The following ADGRA3 variants were observed in gnomAD, a reference collection of about 807,000 sequenced individuals.
The protein encoded by ADGRA3 is G-protein coupled receptor 125.
ADGRA3 carries 56 observed loss-of-function variants against 119.8 expected under a neutral mutation model. That is an observed-to-expected ratio of 0.47 (90% CI 0.38 to 0.58). The LOEUF (loss-of-function observed/expected upper bound fraction) is 0.58. Ranked by LOEUF, ADGRA3 falls within the 20% of genes least tolerant of loss-of-function variation. The probability of loss-of-function intolerance (pLI) is 0.00; values close to 1 mark genes in which losing one functional copy is unlikely to be tolerated. For missense variants in ADGRA3, 1,516 were observed against 1,649.0 expected, an observed-to-expected ratio of 0.92 and a Z score of 1.40; for synonymous variants, 607 against 623.8, an observed-to-expected ratio of 0.97 and a Z score of 0.40.
chr4:22,506,538 G>C (rs1192387610), intron 1 of ADGRA3, among the ~76,000 whole-genome samples: 1 of 152,130 alleles, frequency 6.6e-6, no homozygotes, highest in African/African-American at 2.4e-5. Flanking sequence ...GGGTGACAGA[G>C]TGAGACCCTA....
intron 1 of ADGRA3, among the ~76,000 whole-genome samples, chr4:22,484,730 T>A (rs898647412): frequency 6.6e-6 from 1 of 152,042 alleles, no homozygotes; most frequent in Non-Finnish European, 1.5e-5. Context: ...GGCATTTCAC[T>A]GGGTGGGAAA....
intron 16 of ADGRA3, chr4:22,394,356 G>C (rs1714264095): frequency 6.6e-6 from 1 of 152,156 alleles, no homozygotes; most frequent in Non-Finnish European, 1.5e-5. Context: ...TGGGAGGTGG[G>C]ATCAAGTTTG....
At chr4:22,477,875 C>G (rs1718107303) in intron 1 of ADGRA3, among the ~76,000 whole-genome samples, 1 of 152,172 alleles carries the variant, frequency 6.6e-6, no homozygotes, top group Non-Finnish European at 1.5e-5. Flanking sequence ...ACTCTGCAGA[C>G]AGCTTTTACA....
intron 10 of ADGRA3, among the ~76,000 whole-genome samples, chr4:22,431,932 T>C (rs1475185908): frequency 6.6e-6 from 1 of 152,132 alleles, no homozygotes; most frequent in Non-Finnish European, 1.5e-5. Flanking sequence ...TTACATCAAT[T>C]AGCATATGGT....
At chr4:22,405,459 T>C (rs1714874867) in intron 14 of ADGRA3, among the ~76,000 whole-genome samples, 1 of 150,800 alleles carries the variant, frequency 6.6e-6, no homozygotes, top group African/African-American at 2.4e-5. Context: ...AGTGGGAGGA[T>C]CACTTGAGCC....
chr4:22,507,505 T>C (rs557029542), intron 1 of ADGRA3, among the ~76,000 whole-genome samples: 2 of 152,304 alleles, frequency 1.3e-5, no homozygotes, highest in East Asian at 3.9e-4. Flanking sequence ...TTGTCTGTTT[T>C]TTAAACCATC....
intron 2 of ADGRA3, among the ~76,000 whole-genome samples, chr4:22,472,263 T>C (rs1197726576): frequency 6.6e-6 from 1 of 152,156 alleles, no homozygotes; most frequent in African/African-American, 2.4e-5. Context: ...ATAATAGGAA[T>C]GTACTGTCTC....
intron 12 of ADGRA3, chr4:22,414,679 C>T: frequency 1.5e-6 from 1 of 663,586 alleles, no homozygotes; most frequent in Admixed American, 2.5e-5. Flanking sequence ...AATACTAAGC[C>T]CAAATCCTAA....
intron 1 of ADGRA3, among the ~76,000 whole-genome samples, chr4:22,499,067 A>C (rs960471899): frequency 6.6e-6 from 1 of 152,218 alleles, no homozygotes; most frequent in Non-Finnish European, 1.5e-5. Context: ...AGCAAAGATC[A>C]TGAAGCAGGC....
rs1361698477 is a variant in ADGRA3, at chr4:22,415,419, G to A, written c.1810-1605C>T. Among the ~76,000 whole-genome samples, 10 of 151,968 alleles carry A rather than the reference G, an allele frequency of 6.6e-5. 1 individual carries two copies. Among genetic ancestry groups the A allele is most frequent in the South Asian group, 4.2e-4 (2 of 4,812 alleles). On this transcript the variant is annotated intron_variant, in intron 12 of 18. Coordinates refer to ENST00000334304, the MANE Select transcript of ADGRA3 (RefSeq NM_145290.4). The stretch of plus-strand genomic sequence containing the variant: ...TTTAGTAGAAATATTTTGAGAAGAC[G>A]CATAAAAAGGTTCCTGCTATTCTCA...
At position 22,458,872 on chromosome 4, in the gene ADGRA3, T is replaced by G. The variant is rs192351505; in HGVS notation, c.401+2865A>C. On this transcript the variant is annotated intron_variant, in intron 3 of 18. Coordinates refer to ENST00000334304, the MANE Select transcript of ADGRA3 (RefSeq NM_145290.4). ...GGCAGAAGAGAAGAAAACTGATTAG[T>G]AGCAAGATCTCCTCCAGATGGCCCT... 2.6e-5 allele frequency among the ~76,000 whole-genome samples: 4 copies of G among 152,244 alleles called. No homozygotes were observed. The East Asian group carries it at 7.7e-4, about 29-fold the overall frequency.
At chr4:22,401,295 T>A (rs1714627412) in intron 16 of ADGRA3, 136 bp downstream of exon 16, 2 of 733,146 alleles carry the variant, frequency 2.7e-6, no homozygotes, top group African/African-American at 3.6e-5. Flanking sequence ...GCAGATTGTT[T>A]AAGTGACAGA....
At chr4:22,444,555 C>T (rs573439444) in intron 6 of ADGRA3, among the ~76,000 whole-genome samples, 6 of 152,184 alleles carry the variant, frequency 3.9e-5, no homozygotes, top group South Asian at 2.1e-4. Flanking sequence ...TGAGCCACCG[C>T]GCCCTGCCTG....
chr4:22,436,998 G>A (rs1307983935), intron 8 of ADGRA3, among the ~76,000 whole-genome samples: 1 of 152,096 alleles, frequency 6.6e-6, no homozygotes, highest in Non-Finnish European at 1.5e-5. Flanking sequence ...AATATCTTAA[G>A]GAGTGTCAAA....
chr4:22,464,919 C>T (rs1280107020), intron 2 of ADGRA3, among the ~76,000 whole-genome samples: 3 of 152,304 alleles, frequency 2.0e-5, no homozygotes, highest in South Asian at 2.1e-4. Flanking sequence ...GCAAACCTCC[C>T]AACCAAATCA....
intron 1 of ADGRA3, among the ~76,000 whole-genome samples, chr4:22,499,065 T>C (rs563099687): frequency 6.6e-6 from 1 of 152,208 alleles, no homozygotes; most frequent in East Asian, 1.9e-4. Flanking sequence ...CAAGCAAAGA[T>C]CATGAAGCAG....
chr4:22,471,224 T>A (rs1258593809), intron 2 of ADGRA3, among the ~76,000 whole-genome samples: 1 of 151,946 alleles, frequency 6.6e-6, no homozygotes, highest in African/African-American at 2.4e-5. Flanking sequence ...GAAAACCAAC[T>A]ACCTTATGTT....
intron 14 of ADGRA3, among the ~76,000 whole-genome samples, chr4:22,411,922 A>AG (rs1715218958): frequency 6.6e-6 from 1 of 152,070 alleles, no homozygotes; most frequent in South Asian, 2.1e-4. Flanking sequence ...CCTGTGTACC[A>AG]GGTAAGGTAT....
intron 2 of ADGRA3, among the ~76,000 whole-genome samples, chr4:22,473,528 A>G (rs1317627916): frequency 6.6e-6 from 1 of 152,152 alleles, no homozygotes; most frequent in Non-Finnish European, 1.5e-5. Flanking sequence ...TCACACTTCA[A>G]CGGCAGAGGT....
Sources: allele counts gnomAD v4.1 joint callset (sites outside exome capture counted in the v4.1 genomes callset), GRCh38; gene constraint gnomAD v4.1.1; transcripts MANE v1.5; gene names NCBI Gene and HGNC (gene_info 2026-07-23, HGNC 2026-07-21).